The following MYO7B variants were observed in gnomAD, a reference collection of about 807,000 sequenced individuals.
The protein encoded by MYO7B is unconventional myosin-VIIb.
In MYO7B, 212 loss-of-function variants were observed where a neutral mutation model predicts 259.7. That is an observed-to-expected ratio of 0.82 (90% CI 0.73 to 0.91). The LOEUF (loss-of-function observed/expected upper bound fraction) is 0.91. Among genes scored for constraint, MYO7B ranks in the 40% least tolerant of loss-of-function variants. The probability of loss-of-function intolerance (pLI) is 0.00; values close to 1 mark genes in which losing one functional copy is unlikely to be tolerated. For missense variants in MYO7B, 2,732 were observed against 2,813.5 expected, an observed-to-expected ratio of 0.97 and a Z score of 0.66; for synonymous variants, 1,197 against 1,166.4, an observed-to-expected ratio of 1.03 and a Z score of -0.54.
At position 127,635,722 on chromosome 2, in the gene MYO7B, G is replaced by A. The variant is rs764898860; in HGVS notation, c.5821G>A (p.Glu1941Lys). 2 of 1,599,978 alleles carry A rather than the reference G, an allele frequency of 1.3e-6. No homozygotes were observed. Among genetic ancestry groups the A allele is most frequent in the South Asian group, 1.1e-5 (1 of 88,434 alleles). ...NADTILHYHQ[E>K]LPKYLRGFHK... ...CATGCCCAGTGTGTCCATCACCCAG[G>A]AGCTGCCCAAGTACCTGCGCGGATT... The change falls in exon 44 of 48, where the codon GAG becomes AAG. Residue 1941 changes from glutamate to lysine, a missense_variant and splice_region_variant. Glu to Lys is a moderately conservative substitution (Grantham distance 56). Coordinates refer to ENST00000409816, the MANE Select transcript of MYO7B (RefSeq NM_001393586.1).
intron 21 of MYO7B, among the ~76,000 whole-genome samples, chr2:127,608,390 G>T (rs1394761801): frequency 6.6e-6 from 1 of 152,176 alleles, no homozygotes; most frequent in African/African-American, 2.4e-5. Flanking sequence ...CTGAGCAGTG[G>T]TTGTGCAGCT....
intron 1 of MYO7B, among the ~76,000 whole-genome samples, chr2:127,558,483 A>G (rs1314589975): frequency 2.6e-5 from 4 of 152,220 alleles, no homozygotes; most frequent in African/African-American, 9.6e-5. Flanking sequence ...TGATGCAGCA[A>G]TCCCACTACT....
intron 11 of MYO7B, 80 bp from the exon 12 acceptor site, chr2:127,582,224 C>T (rs534245274): frequency 1.9e-5 from 30 of 1,549,162 alleles, no homozygotes; most frequent in Admixed American, 3.7e-5. Context: ...CCAAGACATT[C>T]GGCCTCTCCA....
At chr2:127,574,160 A>G in intron 7 of MYO7B, 98 bp downstream of exon 7, 1 of 1,487,820 alleles carries the variant, frequency 6.7e-7, no homozygotes, top group Non-Finnish European at 9.2e-7. Context: ...CCTCTTCCCC[A>G]AGGGCCCTCC....
chr2:127,541,823 C>T (rs1175067562), intron 1 of MYO7B, among the ~76,000 whole-genome samples: 1 of 152,234 alleles, frequency 6.6e-6, no homozygotes, highest in Non-Finnish European at 1.5e-5. Flanking sequence ...ACCCTGCCTT[C>T]GCTGACTTCC....
chr2:127,634,483 G>GA (rs1681687778), intron 41 of MYO7B, 113 bp from the exon 42 acceptor site: 20 of 1,001,806 alleles, frequency 2.0e-5, no homozygotes, highest in Non-Finnish European at 3.0e-5. Context: ...ACGCACAGCC[G>GA]ACTCCAGCGC....
At position 127,613,708 on chromosome 2, in the gene MYO7B, A is replaced by G. The variant is rs562362559; in HGVS notation, c.3398+1105A>G. On this transcript the variant is annotated intron_variant, in intron 26 of 47. Transcript: ENST00000409816. The surrounding 1 kb of genome is among the most constrained non-coding windows in gnomAD (Gnocchi z 4.3). Reference sequence around the variant, plus strand: ...TACGTTAGAGACTCTGGATTCTGTTATACTCTTTCAAAGAGCATTGATTTT... The same window carrying G: ...TACGTTAGAGACTCTGGATTCTGTTGTACTCTTTCAAAGAGCATTGATTTT... Among the ~76,000 whole-genome samples, 84 of 152,294 alleles carry G rather than the reference A, an allele frequency of 5.5e-4. No individual in the cohort carries two copies. The highest frequency in any genetic ancestry group is 2.0e-3 in the African/African-American group (82 of 41,552).
At chr2:127,608,957 C>G (rs1355550237) in intron 22 of MYO7B, 79 bp downstream of exon 22, 1 of 1,509,798 alleles carries the variant, frequency 6.6e-7, no homozygotes, top group African/African-American at 1.4e-5. Flanking sequence ...CAGTCCACCT[C>G]TCGGCTCCCT....
In MYO7B at chr2:127,605,944, GGGGCGGCTGGGCCGCGGGACCAGC is replaced by G; in HGVS notation, c.2424+20_2424+43del. The G allele has an allele frequency of 6.9e-7, 1 of 1,458,934 alleles. No homozygotes were observed. The highest frequency in any genetic ancestry group is 9.0e-7 in the Non-Finnish European group (1 of 1,110,072). The allele number at this position is 1,458,934 out of a possible 1,614,324, so 90.4% of individuals were successfully genotyped here. Reference sequence around the variant, plus strand: ...TTTCAAGCTGGTGAGAGAGCTCTCTGGGGCGGCTGGGCCGCGGGACCAGCGGGTAACTGTCCAGTAAAAGACAGA... The same window carrying G: ...TTTCAAGCTGGTGAGAGAGCTCTCTGGGGTAACTGTCCAGTAAAAGACAGA... On this transcript the variant is annotated intron_variant, in intron 20 of 47. Coordinates refer to ENST00000409816, the MANE Select transcript of MYO7B (RefSeq NM_001393586.1).
chr2:127,580,685 G>T (rs1401736568), intron 9 of MYO7B, 61 bp from the exon 10 acceptor site: 1 of 1,518,176 alleles, frequency 6.6e-7, no homozygotes, highest in Non-Finnish European at 9.0e-7. Context: ...GGGCCAGTCG[G>T]GACCTTGCTC....
Position 127,628,412 on chromosome 2 carries a change from C to G in MYO7B, c.4501C>G (p.His1501Asp). Residue 1501 changes from histidine (H) to aspartate (D), a missense_variant, in exon 34 of 48, where the codon CAT becomes GAT. This residue lies in a region of MYO7B where 1,906 missense variants were observed against 2,026.4 expected (regional missense o/e 0.94). Coordinates refer to ENST00000409816, the MANE Select transcript of MYO7B (RefSeq NM_001393586.1). The surrounding 1 kb of genome is among the most constrained non-coding windows in gnomAD (Gnocchi z 4.8). ...GGQRLLLSTM[H>D]EEYEFVSPSS... ...GCAGAGGCTGCTGCTCTCCACGATG[C>G]ATGAGGAGTACGAGTTTGTGTCACC... 6.2e-7 allele frequency: 1 copy of G among 1,600,810 alleles called. No homozygotes were observed. Among genetic ancestry groups the G allele is most frequent in the Non-Finnish European group, 8.5e-7 (1 of 1,175,672 alleles).
In MYO7B at chr2:127,627,813, C is replaced by A. The variant is rs965147574; in HGVS notation, c.4460+503C>A. The A allele has an allele frequency of 2.2e-6, 1 of 457,856 alleles. No homozygotes were observed. The highest frequency in any genetic ancestry group is 1.5e-5 in the South Asian group (1 of 64,584). 28.4% of individuals were successfully genotyped at this position (457,856 alleles called of 1,614,324 possible). ...AACTTTTCCATGCCCTTTGGGAAGT[C>A]CCACCCAAGCCCTGCCAGAGCGCCC... On this transcript the variant is annotated intron_variant, in intron 33 of 47. Coordinates refer to ENST00000409816, the MANE Select transcript of MYO7B (RefSeq NM_001393586.1). The surrounding 1 kb of genome is among the most constrained non-coding windows in gnomAD (Gnocchi z 5.6).
intron 1 of MYO7B, among the ~76,000 whole-genome samples, chr2:127,550,033 T>G (rs947690463): frequency 2.0e-5 from 3 of 152,208 alleles, no homozygotes; most frequent in African/African-American, 7.2e-5. Context: ...TGGCATTGTA[T>G]TTCATAATTT....
intron 19 of MYO7B, among the ~76,000 whole-genome samples, chr2:127,602,904 G>A (rs565184985): frequency 3.9e-5 from 6 of 151,986 alleles, no homozygotes; most frequent in Admixed American, 6.6e-5. Context: ...GGAGGTTGAG[G>A]TGGGAGGATT....
chr2:127,582,084 G>A (rs1679125812), intron 11 of MYO7B, 74 bp downstream of exon 11: 1 of 1,601,674 alleles, frequency 6.2e-7, no homozygotes, highest in African/African-American at 1.3e-5. Context: ...TGCCGGTGGA[G>A]GGCAGGATGG....
In MYO7B at chr2:127,636,358, A is replaced by G; in HGVS notation, c.6123+34A>G. The G allele has an allele frequency of 2.5e-6, 4 of 1,580,640 alleles. No individual in the cohort carries two copies. Among genetic ancestry groups the G allele is most frequent in the Non-Finnish European group, 3.5e-6 (4 of 1,151,038 alleles). On this transcript the variant is annotated intron_variant, in intron 45 of 47. Transcript: ENST00000409816. This position sits in a 1 kb window ranked among gnomAD's most constrained non-coding sequence, Gnocchi z 4.5. Reference sequence around the variant, plus strand: ...TGCCCCACGCCAGGGCCTCCTACCCAAGCAGGCTCCGCTCAGCCCAGCCCC... The same window carrying G: ...TGCCCCACGCCAGGGCCTCCTACCCGAGCAGGCTCCGCTCAGCCCAGCCCC...
chr2:127,625,566 C>A, intron 31 of MYO7B, 31 bp downstream of exon 31: 1 of 1,551,672 alleles, frequency 6.4e-7, no homozygotes. Flanking sequence ...GGCACCCACC[C>A]GAGGGCTCTC....
intron 14 of MYO7B, among the ~76,000 whole-genome samples, chr2:127,588,000 A>T (rs1379682906): frequency 1.3e-5 from 2 of 152,206 alleles, no homozygotes; most frequent in African/African-American, 4.8e-5. Context: ...GGGTGTTAGG[A>T]CACCAACATA....
intron 1 of MYO7B, among the ~76,000 whole-genome samples, chr2:127,558,074 G>A (rs1357701687): frequency 6.6e-6 from 1 of 152,166 alleles, no homozygotes; most frequent in Non-Finnish European, 1.5e-5. Context: ...TAAAGTGGGA[G>A]AAAATCTTCA....
Sources: allele counts gnomAD v4.1 joint callset (sites outside exome capture counted in the v4.1 genomes callset), GRCh38; gene constraint gnomAD v4.1.1; regional missense constraint gnomAD v4.1.1; non-coding constraint Gnocchi (gnomAD v3.1); transcripts MANE v1.5; gene names NCBI Gene and HGNC (gene_info 2026-07-23, HGNC 2026-07-21).